The following NEK11 variants were observed in gnomAD, a reference collection of about 807,000 sequenced individuals.
The protein encoded by NEK11 is serine/threonine-protein kinase Nek11.
A neutral mutation model predicts 80.7 loss-of-function variants in NEK11; 72 were observed. That is an observed-to-expected ratio of 0.89 (90% CI 0.74 to 1.08). The LOEUF is 1.08. Ranked by LOEUF, NEK11 falls within the 50% of genes least tolerant of loss-of-function variation. The pLI, the probability that NEK11 is intolerant of heterozygous loss-of-function variation, is 0.00. For missense variants in NEK11, 764 were observed against 763.6 expected, an observed-to-expected ratio of 1.00 and a Z score of -0.01; for synonymous variants, 251 against 260.7, an observed-to-expected ratio of 0.96 and a Z score of 0.36.
At chr3:131,302,653 T>C (rs1237723662) in intron 17 of NEK11, among the ~76,000 whole-genome samples, 1 of 152,206 alleles carries the variant, frequency 6.6e-6, no homozygotes, top group South Asian at 2.1e-4. Flanking sequence ...CATGCACTTA[T>C]ATGGTTTTTA....
chr3:131,082,043 G>A (rs1387651947), intron 4 of NEK11, among the ~76,000 whole-genome samples: 3 of 152,144 alleles, frequency 2.0e-5, no homozygotes, highest in African/African-American at 7.2e-5. Flanking sequence ...TCCCATCTAT[G>A]TCTTGACCCT....
chr3:131,201,153 A>AT (rs1246703126), intron 14 of NEK11, among the ~76,000 whole-genome samples: 1 of 150,594 alleles, frequency 6.6e-6, no homozygotes, highest in African/African-American at 2.4e-5. Flanking sequence ...CCATTAAACC[A>AT]GATAAGCCAG....
intron 4 of NEK11, among the ~76,000 whole-genome samples, chr3:131,083,019 C>A (rs13072727): frequency 6.6e-6 from 1 of 152,084 alleles, no homozygotes; most frequent in South Asian, 2.1e-4. Context: ...AGTGTGACCC[C>A]AGACCAGTAT....
chr3:131,044,609 C>T (rs1440705185), intron 3 of NEK11, among the ~76,000 whole-genome samples: 1 of 151,930 alleles, frequency 6.6e-6, no homozygotes, highest in African/African-American at 2.4e-5. Flanking sequence ...CAGGAGCACC[C>T]AGATTCATAA....
intron 15 of NEK11, among the ~76,000 whole-genome samples, chr3:131,230,431 G>A (rs1403900719): frequency 6.6e-6 from 1 of 152,212 alleles, no homozygotes; most frequent in African/African-American, 2.4e-5. Context: ...CTCACAGAGT[G>A]GTTTTGAGGA....
chr3:131,178,814 T>C (rs904717517), intron 14 of NEK11, among the ~76,000 whole-genome samples: 11 of 152,364 alleles, frequency 7.2e-5, no homozygotes, highest in African/African-American at 2.6e-4. Flanking sequence ...CAGTGCAGTA[T>C]GTGTGTTTAC....
intron 15 of NEK11, among the ~76,000 whole-genome samples, chr3:131,240,411 G>A (rs2095502266): frequency 6.6e-6 from 1 of 152,142 alleles, no homozygotes. Flanking sequence ...ATAAGTGACT[G>A]TCAGCAACAG....
At chr3:131,106,540 A>G (rs890643627) in intron 4 of NEK11, among the ~76,000 whole-genome samples, 2 of 152,166 alleles carry the variant, frequency 1.3e-5, no homozygotes, top group Non-Finnish European at 2.9e-5. Context: ...AGAGTTGTGC[A>G]TCTGTATTAT....
Position 131,287,398 on chromosome 3 carries a change from T to C in NEK11, c.1718+13824T>C, listed in dbSNP as rs187835126. ...AAGCAATCCTCCCACCTCAGCCTCC[T>C]GAGTAGCTGGGATTACAGGCATGCG... is the stretch of plus-strand genomic sequence containing the variant. On this transcript the variant is annotated intron_variant, in intron 17 of 17. Coordinates refer to ENST00000383366, the MANE Select transcript of NEK11 (RefSeq NM_024800.5). Among the ~76,000 whole-genome samples, 82 of 152,276 alleles carry C rather than the reference T, an allele frequency of 5.4e-4. 1 individual carries two copies. Among genetic ancestry groups the C allele is most frequent in the African/African-American group, 1.9e-3 (77 of 41,548 alleles).
At chr3:131,239,409 A>G (rs924135047) in intron 15 of NEK11, among the ~76,000 whole-genome samples, 8 of 152,160 alleles carry the variant, frequency 5.3e-5, no homozygotes, top group Admixed American at 5.2e-4. Flanking sequence ...ATGCCTGCTC[A>G]GGATTGTTTG....
chr3:131,108,379 A>G (rs917086483), intron 4 of NEK11, among the ~76,000 whole-genome samples: 10 of 152,138 alleles, frequency 6.6e-5, no homozygotes, highest in African/African-American at 2.2e-4. Flanking sequence ...CTCCCCATGA[A>G]TATGATAAGG....
At chr3:131,208,975 G>A (rs553573010) in intron 14 of NEK11, among the ~76,000 whole-genome samples, 4 of 152,222 alleles carry the variant, frequency 2.6e-5, no homozygotes, top group African/African-American at 9.6e-5. Flanking sequence ...TTGCCTGATT[G>A]CCCTGGCCAG....
chr3:131,144,506 G>C (rs192859462), intron 7 of NEK11, among the ~76,000 whole-genome samples: 24 of 152,236 alleles, frequency 1.6e-4, no homozygotes, highest in Admixed American at 9.8e-4. Context: ...GAAATGTCTG[G>C]TTGGAAACTA....
intron 14 of NEK11, among the ~76,000 whole-genome samples, chr3:131,201,724 ATTT>A (rs36116470): frequency 1.3e-5 from 2 of 151,058 alleles, no homozygotes; most frequent in African/African-American, 4.9e-5. Flanking sequence ...CCCTCCAGTC[ATTT>A]TTTTTTTTCT....
At chr3:131,088,473 C>A (rs890463513) in intron 4 of NEK11, among the ~76,000 whole-genome samples, 46 of 152,074 alleles carry the variant, frequency 3.0e-4, no homozygotes, top group African/African-American at 1.1e-3. Flanking sequence ...AAGCAATCTG[C>A]AAACCCAGTA....
rs377376653 is a variant in NEK11 at position 131,053,238 on chromosome 3, A to G, written c.170+23360A>G. ...TGGTAATGTAACATGCAGACCAACT[A>G]TTAAGACATGTCAACATTTCCAATG... is the stretch of plus-strand genomic sequence containing the variant. On this transcript the variant is annotated intron_variant, in intron 3 of 17. Transcript: ENST00000383366. 5.9e-5 allele frequency: 9 copies of G among 152,370 alleles called. No individual in the cohort carries two copies. In the East Asian group the frequency reaches 1.2e-3, roughly 20 times the overall value. The allele number at this position is 152,370 out of a possible 1,614,324, so 9.4% of individuals were successfully genotyped here.
intron 3 of NEK11, among the ~76,000 whole-genome samples, chr3:131,041,593 A>T (rs2066489658): frequency 6.6e-6 from 1 of 152,080 alleles, no homozygotes; most frequent in Non-Finnish European, 1.5e-5. Context: ...TAAGGTGTGT[A>T]TATGTGTATG....
At chr3:131,269,520 C>T (rs954211670) in intron 16 of NEK11, among the ~76,000 whole-genome samples, 10 of 152,236 alleles carry the variant, frequency 6.6e-5, no homozygotes, top group East Asian at 1.9e-4. Flanking sequence ...GGCTAGGCGA[C>T]GCCCCACCCT....
intron 10 of NEK11, 148 bp from the exon 11 acceptor site, chr3:131,162,260 A>T: frequency 1.1e-6 from 1 of 900,530 alleles, no homozygotes; most frequent in Non-Finnish European, 1.6e-6. Flanking sequence ...TTGGCTCATT[A>T]CATACCCAAA....
Sources: allele counts gnomAD v4.1 joint callset (sites outside exome capture counted in the v4.1 genomes callset), GRCh38; gene constraint gnomAD v4.1.1; transcripts MANE v1.5; gene names NCBI Gene and HGNC (gene_info 2026-07-23, HGNC 2026-07-21).